Variants in ITPR2 observed in about 807,000 individuals in gnomAD.
ITPR2 encodes inositol 1,4,5-trisphosphate-gated calcium channel ITPR2.
ITPR2 carries 207 observed loss-of-function variants against 317.1 expected under a neutral mutation model. The observed-to-expected ratio is 0.65, with a 90% CI of 0.58 to 0.73. ITPR2 has a LOEUF of 0.73. Among genes scored for constraint, ITPR2 ranks in the 30% least tolerant of loss-of-function variants. The pLI is 0.00. For missense variants in ITPR2, 2,613 were observed against 3,284.0 expected, an observed-to-expected ratio of 0.80 and a Z score of 4.99; for synonymous variants, 1,156 against 1,149.1, an observed-to-expected ratio of 1.01 and a Z score of -0.12.
intron 45 of ITPR2, among the ~76,000 whole-genome samples, chr12:26,468,298 A>G (rs1942218583): frequency 6.6e-6 from 1 of 152,194 alleles, no homozygotes; most frequent in Non-Finnish European, 1.5e-5. Context: ...CTAGCAAGAA[A>G]GAAGATATTA....
chr12:26,814,993 G>GT (rs1283145371), intron 1 of ITPR2, among the ~76,000 whole-genome samples: 1 of 152,212 alleles, frequency 6.6e-6, no homozygotes, highest in Non-Finnish European at 1.5e-5. Flanking sequence ...CTAGATAAGT[G>GT]TTTTTGCCAA....
chr12:26,509,629 A>G (rs1247802995), intron 37 of ITPR2, among the ~76,000 whole-genome samples: 1 of 152,228 alleles, frequency 6.6e-6, no homozygotes, highest in African/African-American at 2.4e-5. Flanking sequence ...AGTAAAATGT[A>G]GACAGGCTCA....
intron 2 of ITPR2, among the ~76,000 whole-genome samples, chr12:26,759,290 T>G (rs1420421719): frequency 6.6e-6 from 1 of 152,232 alleles, no homozygotes; most frequent in Non-Finnish European, 1.5e-5. Flanking sequence ...ATGTTAACAT[T>G]TCAAAGCAAA....
Position 26,475,330 on chromosome 12 carries a change from T to A in ITPR2, c.6308A>T (p.Asp2103Val). ...EGGDDGVSPK[D>V]VGHNIYILAH... The stretch of plus-strand genomic sequence containing the variant: ...CAGAATATAGATATTGTGTCCAACA[T>A]CTTTTGGAGAAACACCATCATCTCC... Residue 2103 changes from aspartate to valine, a missense_variant, in exon 45 of 57, where the codon GAT (aspartate) becomes GTT (valine). Physicochemically the swap from Asp to Val is radical, Grantham distance 152 (BLOSUM62 -3). Transcript: ENST00000381340. The A allele has an allele frequency of 1.2e-6, 2 of 1,613,976 alleles. No homozygotes were observed.
At chr12:26,686,380 C>T (rs1948124552) in intron 11 of ITPR2, 101 bp downstream of exon 11, 3 of 689,944 alleles carry the variant, frequency 4.3e-6, no homozygotes, top group South Asian at 4.2e-5. Context: ...TTTATGTTTG[C>T]TCCCTTGATA....
At chr12:26,758,394 C>T (rs1048152179) in intron 2 of ITPR2, among the ~76,000 whole-genome samples, 2 of 151,978 alleles carry the variant, frequency 1.3e-5, no homozygotes, top group African/African-American at 4.8e-5. Flanking sequence ...TATATTTTTG[C>T]CTTACAATTG....
At chr12:26,781,247 G>A (rs1208769916) in intron 2 of ITPR2, among the ~76,000 whole-genome samples, 1 of 152,216 alleles carries the variant, frequency 6.6e-6, no homozygotes, top group African/African-American at 2.4e-5. Context: ...AGAATGGGTA[G>A]TAGAAGAAGG....
chr12:26,605,875 A>G (rs889530036), intron 26 of ITPR2, among the ~76,000 whole-genome samples: 1 of 152,220 alleles, frequency 6.6e-6, no homozygotes, highest in Non-Finnish European at 1.5e-5. Context: ...AACCCATGGA[A>G]CATCTGGATG....
intron 22 of ITPR2, among the ~76,000 whole-genome samples, chr12:26,629,572 C>T (rs1946699676): frequency 7.0e-6 from 1 of 143,592 alleles, no homozygotes; most frequent in Non-Finnish European, 1.5e-5. Context: ...GGTGACACAG[C>T]AAGACCCTGT....
chr12:26,472,525 A>G (rs1336498325), intron 45 of ITPR2, among the ~76,000 whole-genome samples: 4 of 151,884 alleles, frequency 2.6e-5, no homozygotes, highest in South Asian at 4.2e-4. Context: ...ATCCACCCCA[A>G]TCATTTTCAC....
At chr12:26,431,951 G>C (rs750934796) in intron 48 of ITPR2, among the ~76,000 whole-genome samples, 1 of 152,154 alleles carries the variant, frequency 6.6e-6, no homozygotes, top group Non-Finnish European at 1.5e-5. Flanking sequence ...TGTGGTCCAA[G>C]ACTTACCAGG....
At chr12:26,472,385 G>A (rs903008636) in intron 45 of ITPR2, among the ~76,000 whole-genome samples, 3 of 151,698 alleles carry the variant, frequency 2.0e-5, no homozygotes, top group African/African-American at 4.8e-5. Flanking sequence ...TTGTTTTGAT[G>A]TTTGTTCTCT....
intron 1 of ITPR2, among the ~76,000 whole-genome samples, chr12:26,826,613 T>C (rs1212435357): frequency 6.6e-6 from 1 of 152,222 alleles, no homozygotes; most frequent in Non-Finnish European, 1.5e-5. Context: ...ATGCTTATGA[T>C]GCTTTGAAGT....
intron 55 of ITPR2, among the ~76,000 whole-genome samples, chr12:26,345,031 T>C (rs1938259737): frequency 6.6e-6 from 1 of 152,204 alleles, no homozygotes; most frequent in South Asian, 2.1e-4. Context: ...CACTCCTCCC[T>C]TCCCTTGTGT....
chr12:26,361,949 C>G (rs1346939888), intron 55 of ITPR2, among the ~76,000 whole-genome samples: 1 of 152,184 alleles, frequency 6.6e-6, no homozygotes, highest in Admixed American at 6.5e-5. Context: ...AAATTTTCTA[C>G]CCACCAAATC....
At chr12:26,436,577 G>A (rs146107640) in intron 47 of ITPR2, among the ~76,000 whole-genome samples, 1 of 152,294 alleles carries the variant, frequency 6.6e-6, no homozygotes, top group African/African-American at 2.4e-5. Context: ...CTAAACTACT[G>A]TAGAAGGGTG....
chr12:26,776,422 C>T (rs1949971794), intron 2 of ITPR2, among the ~76,000 whole-genome samples: 1 of 152,160 alleles, frequency 6.6e-6, no homozygotes, highest in Non-Finnish European at 1.5e-5. Context: ...GAGTGAGAGT[C>T]TTATCTCCTG....
At position 26,622,228 on chromosome 12, in the gene ITPR2, C is replaced by A. The variant is rs1363995655; in HGVS notation, c.3288+12G>T. 6.2e-7 allele frequency: 1 copy of A among 1,602,030 alleles called. No individual in the cohort carries two copies. The highest frequency in any genetic ancestry group is 1.3e-5 in the African/African-American group (1 of 74,076). ...TTTTGCTGTGGATGCATTGAGGGCT[C>A]TTCAATCTTACCTGCTTAAATGCCT... On this transcript the variant is annotated intron_variant, in intron 25 of 56. Transcript: ENST00000381340.
At chr12:26,499,879 C>A (rs1343357310) in intron 37 of ITPR2, among the ~76,000 whole-genome samples, 2 of 152,152 alleles carry the variant, frequency 1.3e-5, no homozygotes, top group Non-Finnish European at 2.9e-5. Context: ...ATATACTTCA[C>A]TATATAAAAT....
Sources: gnomAD v4.1 joint callset for allele counts (sites outside exome capture counted in the v4.1 genomes callset) on GRCh38, gnomAD v4.1.1 for gene constraint, MANE v1.5 for transcripts, NCBI Gene and HGNC (gene_info 2026-07-23, HGNC 2026-07-21) for gene names.